The following LFNG variants were observed in gnomAD, a reference collection of about 807,000 sequenced individuals.
LFNG encodes beta-1,3-N-acetylglucosaminyltransferase lunatic fringe.
LFNG carries 15 observed loss-of-function variants against 32.7 expected under a neutral mutation model. The ratio of observed to expected loss-of-function variants is 0.46; its 90% CI spans 0.31 to 0.71. The LOEUF is 0.71. Ranked by LOEUF, LFNG falls within the 30% of genes least tolerant of loss-of-function variation. The pLI, the probability that LFNG is intolerant of heterozygous loss-of-function variation, is 0.06. For synonymous variants in LFNG, 274 were observed against 246.8 expected (o/e 1.11, Z -1.03); for missense variants, 520 against 545.7 (o/e 0.95, Z 0.47).
rs1780036065 is a variant in LFNG, at chr7:2,527,707, T to TG, written c.*500dup. On this transcript the variant is annotated 3_prime_UTR_variant, in exon 8 of 8. Coordinates refer to ENST00000222725, the MANE Select transcript of LFNG (RefSeq NM_001040167.2). The surrounding 1 kb of genome is among the most constrained non-coding windows in gnomAD (Gnocchi z 4.4). ...TGCTCATTGCAGGGGAGGCTGGGTC[T>TG]GGGGGTGCGTGACCCAATCCCCTTC... 9.4e-7 allele frequency: 1 copy of TG among 1,062,682 alleles called. No individual in the cohort carries two copies. Among genetic ancestry groups the TG allele is most frequent in the Non-Finnish European group, 1.1e-6 (1 of 874,546 alleles). The allele number at this position is 1,062,682 out of a possible 1,614,324, so 65.8% of individuals were successfully genotyped here.
chr7:2,522,071 C>T (rs1050574437), intron 1 of LFNG, among the ~76,000 whole-genome samples: 5 of 152,184 alleles, frequency 3.3e-5, no homozygotes, highest in African/African-American at 1.2e-4. Flanking sequence ...GCCCCCCTCT[C>T]CCAGCCCTGC....
upstream of LFNG, chr7:2,518,673 G>T: frequency 6.4e-7 from 1 of 1,569,746 alleles, no homozygotes; most frequent in East Asian, 2.3e-5. Flanking sequence ...TCCGAGGGGG[G>T]CAGTTTAGCC....
At chr7:2,512,907 A>G (rs1344937171), upstream of LFNG, among the ~76,000 whole-genome samples, 4 of 149,528 alleles carry the variant, frequency 2.7e-5, no homozygotes, top group African/African-American at 9.9e-5. Context: ...CTGCTCCCAC[A>G]CCCCTGCCCA....
intron 2 of LFNG, 117 bp from the exon 3 acceptor site, chr7:2,525,102 G>A: frequency 1.1e-6 from 1 of 927,846 alleles, no homozygotes; most frequent in Non-Finnish European, 1.7e-6. Flanking sequence ...ACGGCCGCCG[G>A]GCCCAGCTTG....
chr7:2,527,833 A>G lies in LFNG; in HGVS notation c.*621A>G, dbSNP rs2128378629. 2.0e-6 allele frequency: 2 copies of G among 1,002,324 alleles called. No individual in the cohort carries two copies. Among genetic ancestry groups the G allele is most frequent in the African/African-American group, 3.5e-5 (2 of 57,776 alleles). The allele number at this position is 1,002,324 out of a possible 1,614,324, so 62.1% of individuals were successfully genotyped here. A position where few individuals can be genotyped will look rare whatever the true frequency, so the allele number is the denominator to read the frequency against. Reference sequence around the variant, plus strand: ...TGGCTGGCTGTCCAGCTGGGCAAACAGTGGCACCCCTCCCAGCTCTTCTGA... The same window carrying G: ...TGGCTGGCTGTCCAGCTGGGCAAACGGTGGCACCCCTCCCAGCTCTTCTGA... On this transcript the variant is annotated 3_prime_UTR_variant, in exon 8 of 8. Transcript: ENST00000222725. This position sits in a 1 kb window ranked among gnomAD's most constrained non-coding sequence, Gnocchi z 4.4.
At position 2,523,902 on chromosome 7, in the gene LFNG, G is replaced by T. The variant is rs187838322; in HGVS notation, c.433-793G>T. Among the ~76,000 whole-genome samples, 305 of 152,280 alleles carry T rather than the reference G, an allele frequency of 2.0e-3. 1 individual carries two copies. The highest frequency in any genetic ancestry group is 6.7e-3 in the African/African-American group (278 of 41,562). ...TGGCTCAGAGTGGGTAGCTTGTCCT[G>T]CAGGTCACCCAGGACAGGGGTGCTG... On this transcript the variant is annotated intron_variant, in intron 1 of 7. Transcript: ENST00000222725.
rs780894491 is a variant in LFNG, at chr7:2,528,015, T to G, written c.*803T>G. 1 of 982,954 alleles carries G rather than the reference T, an allele frequency of 1.0e-6. No homozygotes were observed. The highest frequency in any genetic ancestry group is 1.2e-6 in the Non-Finnish European group (1 of 829,560). The allele number at this position is 982,954 out of a possible 1,614,324, so 60.9% of individuals were successfully genotyped here. A position where few individuals can be genotyped will look rare whatever the true frequency, so the allele number is the denominator to read the frequency against. ...TTGTGACAGTATTTTTTTACTGTGC[T>G]GTTTTTTTTGAAAGGGGATGGGTAA... On this transcript the variant is annotated 3_prime_UTR_variant, in exon 8 of 8. Coordinates refer to ENST00000222725, the MANE Select transcript of LFNG (RefSeq NM_001040167.2).
upstream of LFNG, among the ~76,000 whole-genome samples, chr7:2,516,461 G>C (rs1219540878): frequency 2.6e-5 from 4 of 152,238 alleles, no homozygotes; most frequent in African/African-American, 9.6e-5. Context: ...CTAGGCCTGA[G>C]TGTCAAGGGC....
At chr7:2,524,669 G>T in intron 1 of LFNG, 26 bp from the exon 2 acceptor site, 1 of 1,569,842 alleles carries the variant, frequency 6.4e-7, no homozygotes, top group Non-Finnish European at 8.6e-7. Context: ...AGGGCTGCCT[G>T]CTGAAGGCCG....
At chr7:2,518,785 C>G (rs1177420486), upstream of LFNG, among the ~76,000 whole-genome samples, 1 of 152,152 alleles carries the variant, frequency 6.6e-6, no homozygotes, top group Non-Finnish European at 1.5e-5. Flanking sequence ...TCCACGCTTC[C>G]GGAGGACGTG....
Position 2,524,761 on chromosome 7 carries a change from G to A in LFNG, c.481+18G>A. Reference sequence around the variant, plus strand: ...GCACACGGGTGAGCCCTGGACTTGGGGCGGGAGGGGGCCCAGGCCTCCATC... The same window carrying A: ...GCACACGGGTGAGCCCTGGACTTGGAGCGGGAGGGGGCCCAGGCCTCCATC... On this transcript the variant is annotated intron_variant, in intron 2 of 7. Transcript: ENST00000222725. The A allele has an allele frequency of 6.4e-7, 1 of 1,571,670 alleles. No homozygotes were observed. Among genetic ancestry groups the A allele is most frequent in the Non-Finnish European group, 8.6e-7 (1 of 1,157,730 alleles).
intron 1 of LFNG, among the ~76,000 whole-genome samples, chr7:2,521,604 GC>G (rs1016656624): frequency 6.6e-6 from 1 of 152,092 alleles, no homozygotes; most frequent in East Asian, 1.9e-4. Flanking sequence ...CCTGAGCCTG[GC>G]CCCCCCACCC....
In LFNG at chr7:2,526,150, G is replaced by A; in HGVS notation, c.822-94G>A. The A allele has an allele frequency of 1.4e-6, 2 of 1,384,916 alleles. No homozygotes were observed. Among genetic ancestry groups the A allele is most frequent in the Non-Finnish European group, 1.0e-6 (1 of 990,990 alleles). 85.8% of individuals were successfully genotyped at this position (1,384,916 alleles called of 1,614,324 possible). A position where few individuals can be genotyped will look rare whatever the true frequency, so the allele number is the denominator to read the frequency against. ...AGCTCTCCTCAGGGCTCCTCTCCCTGAGGAGTGCAGCGCCTTTGCCTGGTG... is the reference window on the plus strand; with the variant it reads ...AGCTCTCCTCAGGGCTCCTCTCCCTAAGGAGTGCAGCGCCTTTGCCTGGTG... On this transcript the variant is annotated intron_variant, in intron 5 of 7. Coordinates refer to ENST00000222725, the MANE Select transcript of LFNG (RefSeq NM_001040167.2). The surrounding 1 kb of genome is among the most constrained non-coding windows in gnomAD (Gnocchi z 6.9).
At chr7:2,517,775 G>A, upstream of LFNG, 1 of 796,604 alleles carries the variant, frequency 1.3e-6, no homozygotes, top group Non-Finnish European at 1.8e-6. Context: ...GATTGAGGAG[G>A]GATTGGGCCT....
chr7:2,525,355 C>G (rs145733291), intron 3 of LFNG, 37 bp downstream of exon 3: 6 of 1,611,818 alleles, frequency 3.7e-6, no homozygotes, highest in Non-Finnish European at 5.1e-6. Context: ...TCTCCCTGCC[C>G]GAGCCTGGCA....
upstream of LFNG, among the ~76,000 whole-genome samples, chr7:2,514,854 T>TCATCTGTCCATCCATC (rs1779580692): frequency 1.4e-5 from 1 of 72,606 alleles, no homozygotes; most frequent in Admixed American, 1.2e-4. Flanking sequence ...ATCCATCCAT[T>TCATCTGTCCATCCATC]CATCTGTCTA....
In LFNG at chr7:2,526,403, C is replaced by T. The variant is rs143318387; in HGVS notation, c.981C>T (p.His327=). ...NLQQVPTSEL[H]EQVTLSYGMF... is the part of the protein sequence containing the mutation. ...AGCAGGTGCCCACCTCGGAGCTCCA[C>T]GAGCAGGTGCACCATCCTCCGGGCC... Residue 327 remains histidine, a synonymous_variant, in exon 6 of 8, where the codon CAC becomes CAT. Transcript: ENST00000222725. This position sits in a 1 kb window ranked among gnomAD's most constrained non-coding sequence, Gnocchi z 6.9. The T allele has an allele frequency of 2.6e-5, 42 of 1,607,494 alleles. No homozygotes were observed. The highest frequency in any genetic ancestry group is 2.4e-4 in the African/African-American group (18 of 75,012).
chr7:2,515,976 C>T (rs1478716442), upstream of LFNG, among the ~76,000 whole-genome samples: 1 of 152,232 alleles, frequency 6.6e-6, no homozygotes, highest in African/African-American at 2.4e-5. Flanking sequence ...CTTCCTGCCA[C>T]CAAGGGCTGC....
chr7:2,513,229 A>G, upstream of LFNG: 1 of 1,608,910 alleles, frequency 6.2e-7, no homozygotes, highest in Non-Finnish European at 8.5e-7. Flanking sequence ...GGATGGAAGG[A>G]TGGACGGACA....
Sources: gnomAD v4.1 joint callset for allele counts (sites outside exome capture counted in the v4.1 genomes callset) on GRCh38, gnomAD v4.1.1 for gene constraint, Gnocchi (gnomAD v3.1) non-coding constraint, MANE v1.5 for transcripts, NCBI Gene and HGNC (gene_info 2026-07-23, HGNC 2026-07-21) for gene names.